The following POLE variants were observed in gnomAD, a reference collection of about 807,000 sequenced individuals.
The protein encoded by POLE is DNA polymerase epsilon catalytic subunit A.
A neutral mutation model predicts 279.2 loss-of-function variants in POLE; 188 were observed. That is an observed-to-expected ratio of 0.67 (90% CI 0.60 to 0.76). The LOEUF is 0.76. Ranked by LOEUF, POLE falls within the 30% of genes least tolerant of loss-of-function variation. The pLI is 0.00. For synonymous variants in POLE, 1,214 were observed against 1,172.5 expected, an observed-to-expected ratio of 1.04 and a Z score of -0.72; for missense variants, 2,703 against 3,016.7, an observed-to-expected ratio of 0.90 and a Z score of 2.44.
chr12:132,643,802 TC>T (rs1565940132), intron 33 of POLE, 34 bp downstream of exon 33: 1 of 1,601,958 alleles, frequency 6.2e-7, no homozygotes, highest in Non-Finnish European at 8.5e-7. Flanking sequence ...TGCTGGAGCC[TC>T]CCCCAGTTCA....
rs1555226511 is a variant in POLE, at chr12:132,664,457, C to A, written c.2474G>T (p.Arg825Leu). ...GCCAGCCATCTCCATGGAGTACCAGCGAGCCCTGAGAGGACACCACAAACT... is the reference window on the plus strand; with the variant it reads ...GCCAGCCATCTCCATGGAGTACCAGAGAGCCCTGAGAGGACACCACAAACT... ...FYGYVMRKGA[R>L]WYSMEMAGIV... Residue 825 changes from arginine to leucine, a missense_variant, in exon 22 of 49, where the codon CGC (arginine) becomes CTC (leucine). Coordinates refer to ENST00000320574, the MANE Select transcript of POLE (RefSeq NM_006231.4). The surrounding 1 kb of genome is among the most constrained non-coding windows in gnomAD (Gnocchi z 5.3). 1.9e-6 allele frequency: 3 copies of A among 1,613,838 alleles called. No homozygotes were observed. The highest frequency in any genetic ancestry group is 2.5e-6 in the Non-Finnish European group (3 of 1,179,896).
At position 132,681,235 on chromosome 12, in the gene POLE, T is replaced by C; in HGVS notation, c.107A>G (p.Glu36Gly). The C allele has an allele frequency of 6.2e-7, 1 of 1,614,204 alleles. No homozygotes were observed. Among genetic ancestry groups the C allele is most frequent in the African/African-American group, 1.3e-5 (1 of 75,052 alleles). The change falls in exon 2 of 49, where the codon GAA becomes GGA. Residue 36 changes from glutamate (E) to glycine (G), a missense_variant. Coordinates refer to ENST00000320574, the MANE Select transcript of POLE (RefSeq NM_006231.4). ...TSSVSALKRL[E>G]RSQWTDKMDL... ...CATCTTATCCGTCCACTGACTCCGT[T>C]CCAGGCGCTTGAGTGCCGAAACTGA...
chr12:132,632,779 C>T lies in POLE; in HGVS notation c.6021G>A (p.Val2007=), dbSNP rs1057522175. The T allele has an allele frequency of 6.2e-6, 10 of 1,609,646 alleles. No individual in the cohort carries two copies. Among genetic ancestry groups the T allele is most frequent in the Non-Finnish European group, 7.6e-6 (9 of 1,179,696 alleles). Residue 2007 remains valine, a synonymous_variant, in exon 44 of 49, where the codon GTG becomes GTA. Transcript: ENST00000320574. ...TCAGCCCGTCCTTCATGCAGTGGTACACGGCCACGATGTACGCTGTGGAGA... is the reference window on the plus strand; with the variant it reads ...TCAGCCCGTCCTTCATGCAGTGGTATACGGCCACGATGTACGCTGTGGAGA... ...LMIVSAYIVA[V]YHCMKDGLRR...
intron 25 of POLE, 73 bp downstream of exon 25, chr12:132,660,896 G>A: frequency 7.7e-7 from 1 of 1,292,496 alleles, no homozygotes; most frequent in Non-Finnish European, 1.1e-6. Flanking sequence ...CAGGAGCCCA[G>A]GAAGCACGGG....
At chr12:132,638,775 GGA>G (rs2138505936) in intron 40 of POLE, 1 of 257,868 alleles carries the variant, frequency 3.9e-6, no homozygotes, top group East Asian at 8.7e-5. Context: ...GCACAAGGCT[GGA>G]GAGAGGCTAA....
chr12:132,666,397 G>A lies in POLE; in HGVS notation c.2320-947C>T, dbSNP rs2042797614. ...GAGTTCAGGACTTTGAGACCAGCCT[G>A]GGCAACATGGTGAAACCCCGTCTCT... On this transcript the variant is annotated intron_variant, in intron 20 of 48. Coordinates refer to ENST00000320574, the MANE Select transcript of POLE (RefSeq NM_006231.4). Among the ~76,000 whole-genome samples the A allele has an allele frequency of 2.0e-5, 3 of 152,218 alleles. No individual in the cohort carries two copies. In the South Asian group the frequency reaches 6.2e-4, roughly 31 times the overall value.
intron 6 of POLE, among the ~76,000 whole-genome samples, chr12:132,678,176 T>C (rs2043099611): frequency 1.3e-5 from 2 of 149,610 alleles, no homozygotes; most frequent in Admixed American, 1.3e-4. Context: ...AGACTCCATC[T>C]CAAAAAAATA....
intron 1 of POLE, among the ~76,000 whole-genome samples, chr12:132,685,539 A>G (rs2043240598): frequency 6.6e-6 from 1 of 152,228 alleles, no homozygotes; most frequent in Non-Finnish European, 1.5e-5. Flanking sequence ...AACCCACATA[A>G]AGCATGTAAG....
Position 132,649,857 on chromosome 12 carries a change from C to T in POLE, c.3615G>A (p.Pro1205=), listed in dbSNP as rs560825851. The change falls in exon 30 of 49, where the codon CCG becomes CCA. Residue 1205 remains proline, a synonymous_variant. Transcript: ENST00000320574. Reference sequence around the variant, plus strand: ...CCTCCATGTCAGGAGCACTTGGCCTCGGACTGTCTTCTGAGGCCTCGGCCA... The same window carrying T: ...CCTCCATGTCAGGAGCACTTGGCCTTGGACTGTCTTCTGAGGCCTCGGCCA... ...VTMAEASEDS[P]RPSAPDMEDF... is the part of the protein sequence containing the mutation. The T allele has an allele frequency of 2.7e-5, 44 of 1,614,062 alleles. No homozygotes were observed. The highest frequency in any genetic ancestry group is 8.0e-5 in the African/African-American group (6 of 75,048).
chr12:132,673,914 C>T (rs1327947148), intron 12 of POLE, among the ~76,000 whole-genome samples: 1 of 152,184 alleles, frequency 6.6e-6, no homozygotes, highest in Admixed American at 6.5e-5. Flanking sequence ...ATCCACAACA[C>T]AAGGAAGCAC....
At chr12:132,655,638 T>G (rs1469039202) in intron 29 of POLE, among the ~76,000 whole-genome samples, 1 of 152,242 alleles carries the variant, frequency 6.6e-6, no homozygotes, top group African/African-American at 2.4e-5. Context: ...TTACATTATT[T>G]AATGTGAGGC....
At chr12:132,638,191 C>T in intron 40 of POLE, 52 bp from the exon 41 acceptor site, 2 of 1,562,604 alleles carry the variant, frequency 1.3e-6, no homozygotes, top group Non-Finnish European at 1.7e-6. Context: ...CATGGAGAGC[C>T]AGAGGGCACC....
At position 132,659,394 on chromosome 12, in the gene POLE, C is replaced by A. The variant is rs751425952; in HGVS notation, c.3176G>T (p.Arg1059Leu). The A allele has an allele frequency of 6.2e-7, 1 of 1,614,100 alleles. No homozygotes were observed. Among genetic ancestry groups the A allele is most frequent in the African/African-American group, 1.3e-5 (1 of 74,944 alleles). Residue 1059 changes from arginine (R) to leucine (L), a missense_variant, in exon 26 of 49, where the codon CGC becomes CTC. Physicochemically the swap from Arg to Leu is moderately radical, Grantham distance 102. Transcript: ENST00000320574. ...CTGGTCTCCCAGGAACTCGGCCAGG[C>A]GCTTTGCTGTGCTGATGGACGTAGA... ...QKSTSISTAK[R>L]LAEFLGDQMV...
rs566566889 is a variant in POLE, at chr12:132,639,378, G to A, written c.5379-80C>T. ...ACGCGGGACGCTCCAACTGAAATGG[G>A]CACAGGTTTTCCCTACACGGCTGGG... On this transcript the variant is annotated intron_variant, in intron 39 of 48. Transcript: ENST00000320574. The surrounding 1 kb of genome is among the most constrained non-coding windows in gnomAD (Gnocchi z 4.7). The A allele has an allele frequency of 2.2e-6, 3 of 1,375,892 alleles. No individual in the cohort carries two copies. Among genetic ancestry groups the A allele is most frequent in the East Asian group, 2.3e-5 (1 of 42,636 alleles). 85.2% of individuals were successfully genotyped at this position (1,375,892 alleles called of 1,614,324 possible).
Position 132,632,649 on chromosome 12 carries a change from CAA to C in POLE, c.6136+13_6136+14del, listed in dbSNP as rs1418822870. 2 of 1,613,860 alleles carry C rather than the reference CAA, an allele frequency of 1.2e-6. No homozygotes were observed. Among genetic ancestry groups the C allele is most frequent in the South Asian group, 1.1e-5 (1 of 91,088 alleles). ...GGCACATGGCAGTGGCCTCAAAAGA[CAA>C]AAGACTGCTCACCGGGAAGGGCTCC... On this transcript the variant is annotated intron_variant, in intron 44 of 48. Transcript: ENST00000320574.
chr12:132,635,049 T>C (rs576023203), intron 42 of POLE, among the ~76,000 whole-genome samples: 2 of 152,294 alleles, frequency 1.3e-5, no homozygotes, highest in East Asian at 3.9e-4. Flanking sequence ...TCTGAGCCCC[T>C]GGCTCTGGTA....
At chr12:132,686,698 G>A (rs2043277031) in intron 1 of POLE, among the ~76,000 whole-genome samples, 1 of 152,192 alleles carries the variant, frequency 6.6e-6, no homozygotes, top group Admixed American at 6.5e-5. Flanking sequence ...TCGCGCCACT[G>A]CACTCCAGCC....
intron 2 of POLE, 58 bp from the exon 3 acceptor site, chr12:132,680,745 T>C: frequency 7.3e-7 from 1 of 1,365,596 alleles, no homozygotes; most frequent in Non-Finnish European, 1.0e-6. Flanking sequence ...TTAGAGAAAC[T>C]TTCCTCCTAC....
intron 42 of POLE, among the ~76,000 whole-genome samples, chr12:132,635,469 C>T (rs758858308): frequency 6.6e-6 from 1 of 152,236 alleles, no homozygotes; most frequent in Non-Finnish European, 1.5e-5. Flanking sequence ...CCCATCCCCA[C>T]GAAAGCCGAG....
Sources: gnomAD v4.1 joint callset for allele counts (sites outside exome capture counted in the v4.1 genomes callset) on GRCh38, gnomAD v4.1.1 for gene constraint, Gnocchi (gnomAD v3.1) non-coding constraint, MANE v1.5 for transcripts, NCBI Gene and HGNC (gene_info 2026-07-23, HGNC 2026-07-21) for gene names.